Variants in FRMD1 observed in about 807,000 individuals in gnomAD.
The protein encoded by FRMD1 is FERM domain-containing protein 1.
FRMD1 carries 51 observed loss-of-function variants against 54.9 expected under a neutral mutation model. That is an observed-to-expected ratio of 0.93 (90% CI 0.74 to 1.17). The LOEUF is 1.17. Ranked by LOEUF, FRMD1 falls within the 50% of genes most tolerant of loss-of-function variation. FRMD1 has a pLI of 0.00. For missense variants in FRMD1, 729 were observed against 743.0 expected (o/e 0.98, Z 0.22); for synonymous variants, 324 against 306.4 (o/e 1.06, Z -0.60).
At chr6:168,072,238 C>T (rs1800344507) in intron 2 of FRMD1, among the ~76,000 whole-genome samples, 1 of 152,172 alleles carries the variant, frequency 6.6e-6, no homozygotes, top group Admixed American at 6.5e-5. Context: ...AGGGGAGGTC[C>T]TTCCCCAAGG....
At chr6:168,067,174 C>A (rs554248598) in intron 3 of FRMD1, 193 bp downstream of exon 3, 7 of 689,772 alleles carry the variant, frequency 1.0e-5, no homozygotes, top group African/African-American at 1.8e-5. Flanking sequence ...CAGTCCACCG[C>A]GGTGCCTGCC....
chr6:168,086,632 C>A (rs1562435452), intron 1 of FRMD1, among the ~76,000 whole-genome samples: 1 of 152,150 alleles, frequency 6.6e-6, no homozygotes, highest in Admixed American at 6.5e-5. Flanking sequence ...ACACCCATGT[C>A]CCCAGCATGG....
At chr6:168,081,782 T>G, upstream of FRMD1, 2 of 420,350 alleles carry the variant, frequency 4.8e-6, no homozygotes, top group Non-Finnish European at 8.5e-6. Flanking sequence ...GCCAGGGAGC[T>G]GGCAGCAGGG....
intron 1 of FRMD1, among the ~76,000 whole-genome samples, chr6:168,091,414 G>GC (rs1438471109): frequency 6.6e-6 from 1 of 152,150 alleles, no homozygotes; most frequent in African/African-American, 2.4e-5. Context: ...GTCTCCCCAG[G>GC]CCCCCAGCAG....
At chr6:168,068,229 TAA>T (rs781523127) in intron 2 of FRMD1, among the ~76,000 whole-genome samples, 13 of 152,234 alleles carry the variant, frequency 8.5e-5, no homozygotes, top group Admixed American at 3.9e-4. Context: ...CTGGAAACTA[TAA>T]GAGACGCTTC....
Position 168,075,355 on chromosome 6 carries a change from G to T in FRMD1, c.214-20C>A, listed in dbSNP as rs200984352. 3.9e-5 allele frequency: 63 copies of T among 1,605,892 alleles called. No homozygotes were observed. In the African/African-American group the frequency reaches 6.0e-4, roughly 15 times the overall value. Reference sequence around the variant, plus strand: ...CTTCACCTGCAAAAGAGGTGGGGAGGGGTTCAGGGAGGGGCCGGCACCTGT... The same window carrying T: ...CTTCACCTGCAAAAGAGGTGGGGAGTGGTTCAGGGAGGGGCCGGCACCTGT... On this transcript the variant is annotated intron_variant, in intron 1 of 10. Transcript: ENST00000283309.
Position 168,058,991 on chromosome 6 carries a change from T to C in FRMD1, c.1407+133A>G, listed in dbSNP as rs537419113. On this transcript the variant is annotated intron_variant, in intron 10 of 10. Coordinates refer to ENST00000283309, the MANE Select transcript of FRMD1 (RefSeq NM_024919.6). The stretch of plus-strand genomic sequence containing the variant: ...CCTTGCTGCTCCCTGACTTGCCCGC[T>C]GCGTCTCTGGGGATGTCAGTCGAGG... The C allele has an allele frequency of 1.0e-5, 7 of 675,652 alleles. No homozygotes were observed. The South Asian group carries it at 1.3e-4, about 13-fold the overall frequency. 41.9% of individuals were successfully genotyped at this position (675,652 alleles called of 1,614,324 possible).
intron 8 of FRMD1, 150 bp downstream of exon 8, chr6:168,061,657 C>T: frequency 1.2e-6 from 1 of 851,996 alleles, no homozygotes; most frequent in Non-Finnish European, 1.8e-6. Flanking sequence ...ACCACTTCGC[C>T]CTTCGACCTC....
intron 1 of FRMD1, among the ~76,000 whole-genome samples, chr6:168,091,408 C>T (rs897704066): frequency 2.6e-5 from 4 of 152,220 alleles, no homozygotes; most frequent in Non-Finnish European, 5.9e-5. Flanking sequence ...ATCTCTGTCT[C>T]CCCAGGCCCC....
At chr6:168,064,746 A>C in intron 5 of FRMD1, 125 bp downstream of exon 5, 1 of 1,442,574 alleles carries the variant, frequency 6.9e-7, no homozygotes, top group Non-Finnish European at 9.1e-7. Flanking sequence ...CCCTGTTTCC[A>C]TCCCTGACCC....
upstream of FRMD1, among the ~76,000 whole-genome samples, chr6:168,083,605 C>A (rs546620682): frequency 2.0e-5 from 3 of 152,342 alleles, no homozygotes; most frequent in East Asian, 5.8e-4. Flanking sequence ...GCTGTGCACT[C>A]CCCATCAGGT....
chr6:168,074,261 T>C (rs1356940914), intron 2 of FRMD1, among the ~76,000 whole-genome samples: 1 of 152,086 alleles, frequency 6.6e-6, no homozygotes, highest in Non-Finnish European at 1.5e-5. Flanking sequence ...GTACTAGAAC[T>C]CCAGGTACGA....
chr6:168,076,747 GCTTAA>G (rs1456455356), intron 1 of FRMD1, among the ~76,000 whole-genome samples: 1 of 152,224 alleles, frequency 6.6e-6, no homozygotes, highest in Admixed American at 6.5e-5. Flanking sequence ...ATTATTGTCT[GCTTAA>G]CTTGGTGAGG....
At chr6:168,090,941 T>C (rs1801006140) in intron 1 of FRMD1, among the ~76,000 whole-genome samples, 2 of 152,176 alleles carry the variant, frequency 1.3e-5, no homozygotes, top group African/African-American at 2.4e-5. Flanking sequence ...TGCCCACCGA[T>C]CCAGGCCATT....
Position 168,067,465 on chromosome 6 carries a change from G to C in FRMD1, c.305-19C>G. 4 of 1,522,038 alleles carry C rather than the reference G, an allele frequency of 2.6e-6. No homozygotes were observed. Among genetic ancestry groups the C allele is most frequent in the Non-Finnish European group, 3.6e-6 (4 of 1,101,402 alleles). The allele number at this position is 1,522,038 out of a possible 1,614,324, so 94.3% of individuals were successfully genotyped here. ...TCATTGTCTGAAAGCAAAACAAAAG[G>C]CTTCATCAGAGCAGTCACCATGCTT... is the stretch of plus-strand genomic sequence containing the variant. On this transcript the variant is annotated intron_variant, in intron 2 of 10. Transcript: ENST00000283309.
At chr6:168,087,387 G>C (rs2115031293) in intron 1 of FRMD1, among the ~76,000 whole-genome samples, 1 of 152,338 alleles carries the variant, frequency 6.6e-6, no homozygotes, top group South Asian at 2.1e-4. Flanking sequence ...CTTTTTATGT[G>C]AGAAATTTTG....
At position 168,059,569 on chromosome 6, in the gene FRMD1, C is replaced by G. The variant is rs1799608874; in HGVS notation, c.1343-381G>C. ...AGGCCCTAGGTGATGTTTTGTGACC[C>G]TGGATGGCCCTGGGTGACTGTAGGT... On this transcript the variant is annotated intron_variant, in intron 9 of 10. Coordinates refer to ENST00000283309, the MANE Select transcript of FRMD1 (RefSeq NM_024919.6). The surrounding 1 kb of genome is among the most constrained non-coding windows in gnomAD (Gnocchi z 4.4). 6.6e-6 allele frequency among the ~76,000 whole-genome samples: 1 copy of G among 152,172 alleles called. No individual in the cohort carries two copies. The highest frequency in any genetic ancestry group is 2.4e-5 in the African/African-American group (1 of 41,440).
chr6:168,074,599 CTG>C (rs556510958), intron 2 of FRMD1, among the ~76,000 whole-genome samples: 1,445 of 136,074 alleles, frequency 0.011, 18 homozygotes, highest in African/African-American at 0.036. Flanking sequence ...TGGTGTGTAA[CTG>C]TGTGCATGTG....
rs142513431 is a variant in FRMD1 at position 168,061,878 on chromosome 6, C to T, written c.974G>A (p.Arg325His). ...GCGGAGGTGGAGCTGGTGGCTGGCG[C>T]GCAGCAGGTGCAGCAGGTGCCTGGA... ...WRSRHLLHLL[R>H]ASHQLHLRVR... is the part of the protein sequence containing the mutation. Residue 325 changes from arginine (R) to histidine (H), a missense_variant, in exon 8 of 11, where the codon CGC (arginine) becomes CAC (histidine). Transcript: ENST00000283309. 73 of 1,589,010 alleles carry T rather than the reference C, an allele frequency of 4.6e-5. No homozygotes were observed. The highest frequency in any genetic ancestry group is 1.1e-4 in the African/African-American group (8 of 74,302).
Sources: gnomAD v4.1 joint callset for allele counts (sites outside exome capture counted in the v4.1 genomes callset) on GRCh38, gnomAD v4.1.1 for gene constraint, Gnocchi (gnomAD v3.1) non-coding constraint, MANE v1.5 for transcripts, NCBI Gene and HGNC (gene_info 2026-07-23, HGNC 2026-07-21) for gene names.